The following GLIS3 variants were observed in gnomAD, a reference collection of about 807,000 sequenced individuals.
GLIS3 encodes zinc finger protein GLIS3.
In GLIS3, 53 loss-of-function variants were observed where a neutral mutation model predicts 78.6. The observed-to-expected ratio is 0.67, with a 90% confidence interval of 0.54 to 0.85. GLIS3 has a LOEUF of 0.85. Among genes scored for constraint, GLIS3 ranks in the 40% least tolerant of loss-of-function variants. The pLI, the probability that GLIS3 is intolerant of heterozygous loss-of-function variation, is 0.00. For missense variants in GLIS3, 1,703 were observed against 1,231.1 expected (o/e 1.38, Z -5.74); for synonymous variants, 684 against 509.9 (o/e 1.34, Z -4.60).
At chr9:4,080,608 A>C (rs1220164142) in intron 4 of GLIS3, among the ~76,000 whole-genome samples, 1 of 152,216 alleles carries the variant, frequency 6.6e-6, no homozygotes, top group Non-Finnish European at 1.5e-5. Flanking sequence ...AATACTGATT[A>C]AATATTACAT....
intron 4 of GLIS3, among the ~76,000 whole-genome samples, chr9:4,099,418 C>A (rs1420539906): frequency 6.6e-6 from 1 of 151,796 alleles, no homozygotes; most frequent in African/African-American, 2.4e-5. Context: ...TGGAGTTGCC[C>A]CCCCGAGCCT....
At chr9:4,137,549 C>G (rs1010701327) in intron 2 of GLIS3, among the ~76,000 whole-genome samples, 1 of 150,918 alleles carries the variant, frequency 6.6e-6, no homozygotes, top group African/African-American at 2.5e-5. Flanking sequence ...GTGCATGGAG[C>G]CTCAATCTTG....
intron 4 of GLIS3, among the ~76,000 whole-genome samples, chr9:3,991,844 C>A (rs536289862): frequency 1.5e-4 from 23 of 151,942 alleles, no homozygotes; most frequent in Non-Finnish European, 3.2e-4. Context: ...GCGCCTGCAA[C>A]CATGCCTGGC....
At chr9:4,023,563 G>A (rs756332954) in intron 4 of GLIS3, among the ~76,000 whole-genome samples, 8 of 152,174 alleles carry the variant, frequency 5.3e-5, no homozygotes, top group Non-Finnish European at 7.3e-5. Context: ...TTCGTGTTAA[G>A]AGACGTGTTA....
At chr9:4,008,923 C>T (rs1821778346) in intron 4 of GLIS3, among the ~76,000 whole-genome samples, 1 of 152,130 alleles carries the variant, frequency 6.6e-6, no homozygotes, top group Non-Finnish European at 1.5e-5. Flanking sequence ...ATTCAGGTCC[C>T]CTAACTCACA....
the GLIS3 span, among the ~76,000 whole-genome samples, chr9:4,416,576 G>C: frequency 1.3e-5 from 2 of 151,748 alleles, no homozygotes; most frequent in African/African-American, 4.8e-5. Flanking sequence ...TTCTAAATTT[G>C]GATCAGCTTC....
At chr9:4,134,718 G>T (rs1400527941) in intron 2 of GLIS3, among the ~76,000 whole-genome samples, 1 of 152,150 alleles carries the variant, frequency 6.6e-6, no homozygotes, top group Non-Finnish European at 1.5e-5. Flanking sequence ...TGTGCAAAAT[G>T]GTAGGAACAC....
At chr9:4,303,750 G>A (rs999073361), upstream of GLIS3, among the ~76,000 whole-genome samples, 8 of 152,098 alleles carry the variant, frequency 5.3e-5, no homozygotes, top group African/African-American at 1.9e-4. Flanking sequence ...TACAAACCAA[G>A]CTGAGATGTA....
chr9:4,336,988 T>C (rs1234127880), intron 2 of GLIS3, among the ~76,000 whole-genome samples: 2 of 152,172 alleles, frequency 1.3e-5, no homozygotes, highest in African/African-American at 4.8e-5. Flanking sequence ...AAATGACTAA[T>C]AAATATTTAA....
intron 4 of GLIS3, among the ~76,000 whole-genome samples, chr9:4,014,098 C>T (rs141940095): frequency 7.2e-5 from 11 of 152,308 alleles, no homozygotes; most frequent in Non-Finnish European, 1.0e-4. Context: ...CCCGCATGAA[C>T]TCAACATTTT....
intron 9 of GLIS3, among the ~76,000 whole-genome samples, chr9:3,851,988 C>CA (rs1396842531): frequency 6.6e-6 from 1 of 151,790 alleles, no homozygotes; most frequent in Non-Finnish European, 1.5e-5. Context: ...ACTAGAAATA[C>CA]AAAAAAATTA....
rs1032946497 is a variant in GLIS3 at position 4,162,635 on chromosome 9, A to G, written c.389-36694T>C. On this transcript the variant is annotated intron_variant, in intron 2 of 10. Transcript: ENST00000381971. The stretch of plus-strand genomic sequence containing the variant: ...AGCACTTTGGGAGGCCGAGGTGGGC[A>G]GATCACGAGGTCAGATCGAGACCAT... 3.3e-4 allele frequency among the ~76,000 whole-genome samples: 50 copies of G among 152,168 alleles called. 1 individual carries two copies. Among genetic ancestry groups the G allele is most frequent in the African/African-American group, 4.8e-4 (20 of 41,500 alleles).
intron 2 of GLIS3, among the ~76,000 whole-genome samples, chr9:4,283,140 T>A (rs903063598): frequency 6.6e-6 from 1 of 152,010 alleles, no homozygotes; most frequent in South Asian, 2.1e-4. Flanking sequence ...CTTTGCAGGA[T>A]TGCAAAGCTA....
At position 3,986,757 on chromosome 9, in the gene GLIS3, A is replaced by C. The variant is rs548503603; in HGVS notation, c.1711-49568T>G. On this transcript the variant is annotated intron_variant, in intron 4 of 10. Transcript: ENST00000381971. ...ATCCAATAAACTGAGCCAACCAAAA[A>C]TAGTAAAGGCTTTGAAAACCACTGC... Among the ~76,000 whole-genome samples the C allele has an allele frequency of 5.3e-5, 8 of 152,366 alleles. No homozygotes were observed. The South Asian group carries it at 1.0e-3, about 20-fold the overall frequency.
intron 4 of GLIS3, among the ~76,000 whole-genome samples, chr9:4,038,385 A>C (rs1300530924): frequency 6.6e-6 from 1 of 152,226 alleles, no homozygotes; most frequent in Non-Finnish European, 1.5e-5. Context: ...TAAACTGTTA[A>C]AGAAATTGGA....
chr9:3,876,629 A>C (rs1029238640), intron 8 of GLIS3, among the ~76,000 whole-genome samples: 1 of 32,024 alleles, frequency 3.1e-5, no homozygotes, highest in Admixed American at 4.2e-4. Context: ...AAGAATCACC[A>C]AAGTCAGAGA....
At chr9:4,321,401 C>A (rs112943358) in intron 2 of GLIS3, among the ~76,000 whole-genome samples, 11 of 81,982 alleles carry the variant, frequency 1.3e-4, no homozygotes, top group African/African-American at 6.3e-4. Flanking sequence ...CAGCCTGGGC[C>A]ACAGAGCTAG....
At chr9:3,888,393 A>G (rs969393425) in intron 7 of GLIS3, among the ~76,000 whole-genome samples, 2 of 152,164 alleles carry the variant, frequency 1.3e-5, no homozygotes, top group Non-Finnish European at 2.9e-5. Flanking sequence ...GACTTCTAAA[A>G]TCACTTCACA....
intron 2 of GLIS3, among the ~76,000 whole-genome samples, chr9:4,171,700 T>A (rs1203106388): frequency 6.6e-6 from 1 of 152,200 alleles, no homozygotes; most frequent in African/African-American, 2.4e-5. Context: ...CAATCTAAGA[T>A]GACTTGAACT....
Sources: allele counts gnomAD v4.1 joint callset (sites outside exome capture counted in the v4.1 genomes callset), GRCh38; gene constraint gnomAD v4.1.1; transcripts MANE v1.5; gene names NCBI Gene and HGNC (gene_info 2026-07-23, HGNC 2026-07-21).